Variants in RRP1B observed in about 807,000 individuals in gnomAD.
RRP1B encodes the protein ribosomal RNA processing protein 1 homolog B.
RRP1B carries 56 observed loss-of-function variants against 80.2 expected under a neutral mutation model. The observed-to-expected ratio is 0.70, with a 90% confidence interval of 0.56 to 0.87. The LOEUF is 0.87. RRP1B is among the 40% of genes least tolerant of loss of function. RRP1B has a pLI of 0.00. For synonymous variants in RRP1B, 351 were observed against 357.6 expected (o/e 0.98, Z 0.21); for missense variants, 807 against 939.8 (o/e 0.86, Z 1.85).
chr21:43,684,019 A>G (rs1188386662), intron 9 of RRP1B, among the ~76,000 whole-genome samples: 1 of 143,808 alleles, frequency 7.0e-6, no homozygotes, highest in Non-Finnish European at 1.5e-5. Context: ...TGTTGTGGGT[A>G]CTCTATCACA....
At chr21:43,692,468 A>C (rs2083090705) in intron 15 of RRP1B, among the ~76,000 whole-genome samples, 1 of 152,004 alleles carries the variant, frequency 6.6e-6, no homozygotes, top group South Asian at 2.1e-4. Context: ...GCGTAGTGGC[A>C]AGCACCTGTA....
chr21:43,675,843 CATTTTATTTT>C (rs374076927), intron 6 of RRP1B, among the ~76,000 whole-genome samples: 2,266 of 142,944 alleles, frequency 0.016, 32 homozygotes, highest in African/African-American at 0.033. Context: ...GGGTATTTTG[CATTTTATTTT>C]ATTTTATTTT....
chr21:43,679,048 G>T (rs1313617658), intron 8 of RRP1B, among the ~76,000 whole-genome samples: 1 of 152,116 alleles, frequency 6.6e-6, no homozygotes, highest in African/African-American at 2.4e-5. Flanking sequence ...CTTGGTTGAG[G>T]ATCAGTTGAG....
chr21:43,684,349 G>A (rs1342944114), intron 9 of RRP1B, among the ~76,000 whole-genome samples: 1 of 152,120 alleles, frequency 6.6e-6, no homozygotes, highest in Admixed American at 6.5e-5. Flanking sequence ...GGGATTACAG[G>A]CATGAGCCAC....
At chr21:43,692,712 ATGTGTG>A (rs1959167654) in intron 15 of RRP1B, among the ~76,000 whole-genome samples, 2 of 152,158 alleles carry the variant, frequency 1.3e-5, no homozygotes, top group Middle Eastern at 3.4e-3. Context: ...ACCAGTATAT[ATGTGTG>A]TGTGCGTGTG....
In RRP1B at chr21:43,691,562, G is replaced by A. The variant is rs1242941814; in HGVS notation, c.2083+60G>A. 1.3e-6 allele frequency: 2 copies of A among 1,505,168 alleles called. No individual in the cohort carries two copies. Among genetic ancestry groups the A allele is most frequent in the South Asian group, 1.1e-5 (1 of 88,374 alleles). The allele number at this position is 1,505,168 out of a possible 1,614,324, so 93.2% of individuals were successfully genotyped here. ...GAGCACAGCTGCAGCTCCTGGCGCG[G>A]CTCGCAGCCTGGTTCCACAAGGCGG... On this transcript the variant is annotated intron_variant, in intron 15 of 15. Coordinates refer to ENST00000340648, the MANE Select transcript of RRP1B (RefSeq NM_015056.3). This position sits in a 1 kb window ranked among gnomAD's most constrained non-coding sequence, Gnocchi z 4.2.
At chr21:43,669,763 A>AT (rs1390204126) in intron 1 of RRP1B, 121 bp from the exon 2 acceptor site, 18 of 663,242 alleles carry the variant, frequency 2.7e-5, no homozygotes, top group Non-Finnish European at 3.6e-5. Flanking sequence ...GTTTGCTTCA[A>AT]TTTTTTAAAA....
intron 8 of RRP1B, among the ~76,000 whole-genome samples, chr21:43,679,085 T>A (rs1162417517): frequency 1.3e-5 from 2 of 152,196 alleles, no homozygotes; most frequent in South Asian, 4.1e-4. Flanking sequence ...TATTTCTGGG[T>A]TCTCCTGTTC....
intron 6 of RRP1B, among the ~76,000 whole-genome samples, chr21:43,675,502 A>T (rs1265284359): frequency 1.3e-5 from 2 of 152,244 alleles, no homozygotes; most frequent in Non-Finnish European, 2.9e-5. Context: ...GTATATACTC[A>T]TAAATAGACA....
intron 1 of RRP1B, among the ~76,000 whole-genome samples, chr21:43,665,634 C>T (rs559136656): frequency 8.5e-5 from 13 of 152,122 alleles, no homozygotes; most frequent in Non-Finnish European, 1.8e-4. Context: ...GAAACCTCCG[C>T]CTCCTGGGTT....
Position 43,676,331 on chromosome 21 carries a change from G to T in RRP1B, c.609G>T (p.Thr203=), listed in dbSNP as rs370045619. Residue 203 remains threonine, a synonymous_variant, in exon 7 of 16, where the codon ACG becomes ACT. Transcript: ENST00000340648. ...IDPFCKIAAK[T]KDHTLVQTIA... is the part of the protein sequence containing the mutation. ...CATTCTGCAAAATTGCTGCGAAGACGAAGGAGTAAGTGATTCCCCTGTTCG... is the reference window on the plus strand; with the variant it reads ...CATTCTGCAAAATTGCTGCGAAGACTAAGGAGTAAGTGATTCCCCTGTTCG... The T allele has an allele frequency of 6.2e-7, 1 of 1,609,210 alleles. No individual in the cohort carries two copies. Among genetic ancestry groups the T allele is most frequent in the African/African-American group, 1.3e-5 (1 of 74,866 alleles).
intron 3 of RRP1B, among the ~76,000 whole-genome samples, chr21:43,672,990 AG>A (rs1191930700): frequency 5.9e-5 from 9 of 152,248 alleles, no homozygotes; most frequent in Admixed American, 3.3e-4. Context: ...TTGTGCAAAA[AG>A]AAATAAAGCC....
intron 10 of RRP1B, among the ~76,000 whole-genome samples, chr21:43,684,906 A>G (rs1420289434): frequency 6.6e-6 from 1 of 152,148 alleles, no homozygotes; most frequent in Non-Finnish European, 1.5e-5. Flanking sequence ...AAGTCTATTC[A>G]TGTCTAAAAT....
chr21:43,687,922 T>C lies in RRP1B; in HGVS notation c.1548T>C (p.Gly516=). The change falls in exon 13 of 16, where the codon GGT becomes GGC. Residue 516 remains glycine, a synonymous_variant. Transcript: ENST00000340648. ...HPQGPRGSPT[G]GAQLLKRKRK... Reference sequence around the variant, plus strand: ...AGGGACCTAGAGGGTCCCCGACAGGTGGAGCCCAACTCCTAAAAAGGAAGC... The same window carrying C: ...AGGGACCTAGAGGGTCCCCGACAGGCGGAGCCCAACTCCTAAAAAGGAAGC... 1 of 1,613,210 alleles carries C rather than the reference T, an allele frequency of 6.2e-7. No individual in the cohort carries two copies. Among genetic ancestry groups the C allele is most frequent in the African/African-American group, 1.3e-5 (1 of 75,052 alleles).
Position 43,686,839 on chromosome 21 carries a change from A to C in RRP1B, c.1045A>C (p.Ile349Leu). 1.2e-6 allele frequency: 2 copies of C among 1,614,142 alleles called. No individual in the cohort carries two copies. Among genetic ancestry groups the C allele is most frequent in the Non-Finnish European group, 1.7e-6 (2 of 1,180,022 alleles). ...ATCTCAACTCAGTTTTGCGGAGGACATTTCTGCTGATGAAGATGACCAAAT... is the reference window on the plus strand; with the variant it reads ...ATCTCAACTCAGTTTTGCGGAGGACCTTTCTGCTGATGAAGATGACCAAAT... The part of the protein sequence containing the change: ...SISQLSFAED[I>L]SADEDDQILS... Residue 349 changes from isoleucine (I) to leucine (L), a missense_variant, in exon 12 of 16, where the codon ATT (isoleucine) becomes CTT (leucine). Coordinates refer to ENST00000340648, the MANE Select transcript of RRP1B (RefSeq NM_015056.3).
chr21:43,675,308 C>T (rs2083017510), intron 6 of RRP1B, 145 bp downstream of exon 6: 1 of 737,276 alleles, frequency 1.4e-6, no homozygotes, highest in Admixed American at 2.7e-5. Context: ...GGGAATGTGT[C>T]CTAAGCAGCT....
intron 1 of RRP1B, among the ~76,000 whole-genome samples, chr21:43,669,068 T>C (rs544747829): frequency 2.6e-5 from 4 of 151,778 alleles, no homozygotes; most frequent in Non-Finnish European, 5.9e-5. Context: ...CTGGTGATGC[T>C]GCAGTAAATG....
chr21:43,673,806 T>C, intron 3 of RRP1B, 64 bp from the exon 4 acceptor site: 1 of 979,198 alleles, frequency 1.0e-6, no homozygotes, highest in Non-Finnish European at 1.6e-6. Context: ...CTTCATTATT[T>C]TCTTGCTATA....
intron 1 of RRP1B, among the ~76,000 whole-genome samples, chr21:43,669,593 C>T (rs1436586501): frequency 6.6e-6 from 1 of 152,044 alleles, no homozygotes. Context: ...GATGAGGAGC[C>T]GATTTCATAA....
Sources: gnomAD v4.1 joint callset for allele counts (sites outside exome capture counted in the v4.1 genomes callset) on GRCh38, gnomAD v4.1.1 for gene constraint, Gnocchi (gnomAD v3.1) non-coding constraint, MANE v1.5 for transcripts, NCBI Gene and HGNC (gene_info 2026-07-23, HGNC 2026-07-21) for gene names.